SOX5: variants seen among roughly 807,000 people sequenced by gnomAD.
The protein encoded by SOX5 is transcription factor SOX-5.
In SOX5, 9 loss-of-function variants were observed where a neutral mutation model predicts 92.0. That is an observed-to-expected ratio of 0.10 (90% CI 0.06 to 0.17). The LOEUF (loss-of-function observed/expected upper bound fraction) is 0.17, where lower values mean the gene tolerates loss of function less well. SOX5 is among the 10% of genes least tolerant of loss of function. The probability of loss-of-function intolerance (pLI) is 1.00; values close to 1 mark genes in which losing one functional copy is unlikely to be tolerated. For synonymous variants in SOX5, 344 were observed against 336.3 expected, an observed-to-expected ratio of 1.02 and a Z score of -0.25; for missense variants, 642 against 944.5, an observed-to-expected ratio of 0.68 and a Z score of 4.20.
chr12:24,410,618 T>G (rs1242505820), intron 1 of SOX5, among the ~76,000 whole-genome samples: 1 of 152,220 alleles, frequency 6.6e-6, no homozygotes, highest in Non-Finnish European at 1.5e-5. Flanking sequence ...ATTGGTCTAA[T>G]ATGTTGTGAG....
chr12:24,522,598 G>A (rs934420070), intron 1 of SOX5, among the ~76,000 whole-genome samples: 4 of 152,188 alleles, frequency 2.6e-5, no homozygotes, highest in Middle Eastern at 3.4e-3. Flanking sequence ...CATTTATCCC[G>A]GGGATGTAAG....
At chr12:23,654,669 T>C (rs1335221191) in intron 7 of SOX5, among the ~76,000 whole-genome samples, 4 of 152,096 alleles carry the variant, frequency 2.6e-5, no homozygotes, top group African/African-American at 9.7e-5. Flanking sequence ...TGATTTGCTA[T>C]ACACAAGTAA....
chr12:24,278,410 CATTA>C (rs1278872182), intron 2 of SOX5, among the ~76,000 whole-genome samples: 1 of 152,026 alleles, frequency 6.6e-6, no homozygotes, highest in Non-Finnish European at 1.5e-5. Context: ...GAAAAATTAT[CATTA>C]AAAACTTTGA....
At chr12:24,275,394 A>G (rs549011800) in intron 3 of SOX5, among the ~76,000 whole-genome samples, 1 of 152,258 alleles carries the variant, frequency 6.6e-6, no homozygotes, top group East Asian at 1.9e-4. Flanking sequence ...GAAACATAGT[A>G]TATCTTTAGT....
intron 11 of SOX5, among the ~76,000 whole-genome samples, chr12:23,549,643 C>G (rs1052884080): frequency 7.2e-5 from 11 of 151,988 alleles, no homozygotes; most frequent in African/African-American, 2.4e-4. Flanking sequence ...TTAATTACAA[C>G]AAAGTAGTCA....
chr12:23,548,467 A>G (rs1943569910), intron 11 of SOX5, among the ~76,000 whole-genome samples: 1 of 152,106 alleles, frequency 6.6e-6, no homozygotes, highest in African/African-American at 2.4e-5. Context: ...AGTGGGACAT[A>G]GTGGAAGTCA....
chr12:24,116,049 C>T (rs771460761), intron 4 of SOX5, among the ~76,000 whole-genome samples: 3 of 151,864 alleles, frequency 2.0e-5, no homozygotes, highest in Admixed American at 1.3e-4. Context: ...AAAAGATAAT[C>T]GATTGAGAAG....
intron 1 of SOX5, among the ~76,000 whole-genome samples, chr12:24,475,131 G>T (rs868280162): frequency 6.6e-6 from 1 of 152,122 alleles, no homozygotes; most frequent in Non-Finnish European, 1.5e-5. Flanking sequence ...GAGCCACTGC[G>T]CCCAGCCCTT....
chr12:24,199,425 T>C (rs1957311578), intron 4 of SOX5, among the ~76,000 whole-genome samples: 1 of 152,236 alleles, frequency 6.6e-6, no homozygotes, highest in Non-Finnish European at 1.5e-5. Flanking sequence ...GAGTCATACA[T>C]TGAACCAATT....
At chr12:24,292,915 C>T (rs1024733307) in intron 2 of SOX5, among the ~76,000 whole-genome samples, 1 of 152,134 alleles carries the variant, frequency 6.6e-6, no homozygotes, top group Non-Finnish European at 1.5e-5. Context: ...GGCCCTAAAA[C>T]CTGGTGTTAT....
At chr12:23,998,667 T>A (rs754706395) in intron 4 of SOX5, among the ~76,000 whole-genome samples, 2 of 151,840 alleles carry the variant, frequency 1.3e-5, no homozygotes, top group Non-Finnish European at 2.9e-5. Context: ...CCGGGCATGG[T>A]GGCTGGGGCT....
rs1172417712 is a variant in SOX5 at position 24,307,605 on chromosome 12, T to C, written c.-173-30293A>G. Among the ~76,000 whole-genome samples the C allele has an allele frequency of 3.0e-5, 2 of 66,808 alleles. 1 individual carries two copies. The highest frequency in any genetic ancestry group is 7.0e-5 in the Non-Finnish European group (2 of 28,504). The allele number at this position is 66,808 out of a possible 152,430, so 43.8% of individuals were successfully genotyped here. ...TCTCAAGTCGCCCATTTGGCCCTCT[T>C]CCAAGTGTACTTTACTTGGTTTCAT... On this transcript the variant is annotated intron_variant, in intron 2 of 4. Coordinates refer to the SOX5 transcript ENST00000446891.
At chr12:24,246,242 AT>A (rs963836308) in intron 3 of SOX5, among the ~76,000 whole-genome samples, 13 of 147,850 alleles carry the variant, frequency 8.8e-5, no homozygotes, top group South Asian at 6.4e-4. Context: ...TTTTTGCCTA[AT>A]TTTTTTTTCC....
chr12:23,766,957 T>C (rs530832219), intron 3 of SOX5, among the ~76,000 whole-genome samples: 1 of 152,132 alleles, frequency 6.6e-6, no homozygotes. Context: ...AACACACTTG[T>C]AATCCCAGCA....
chr12:23,696,122 G>A (rs1286876558), intron 6 of SOX5, among the ~76,000 whole-genome samples: 1 of 151,680 alleles, frequency 6.6e-6, no homozygotes, highest in Non-Finnish European at 1.5e-5. Context: ...TTATTTCCTT[G>A]ACATACCTTC....
At chr12:24,098,161 A>C (rs1360548052) in intron 4 of SOX5, among the ~76,000 whole-genome samples, 1 of 152,138 alleles carries the variant, frequency 6.6e-6, no homozygotes, top group African/African-American at 2.4e-5. Context: ...TTTCTAAGTC[A>C]TTGTGAGTAC....
At chr12:24,476,198 A>C (rs1312091403) in intron 1 of SOX5, among the ~76,000 whole-genome samples, 8 of 152,228 alleles carry the variant, frequency 5.3e-5, no homozygotes, top group Admixed American at 5.2e-4. Context: ...CATTTATAAC[A>C]TTTATGACTG....
At chr12:23,821,689 T>G (rs536082973) in intron 3 of SOX5, among the ~76,000 whole-genome samples, 1 of 152,346 alleles carries the variant, frequency 6.6e-6, no homozygotes, top group African/African-American at 2.4e-5. Context: ...TCGTGGTAGA[T>G]AAGCTTTTTA....
intron 1 of SOX5, among the ~76,000 whole-genome samples, chr12:23,927,326 A>G (rs935545976): frequency 6.6e-6 from 1 of 152,016 alleles, no homozygotes; most frequent in Non-Finnish European, 1.5e-5. Flanking sequence ...AAGAATTCAT[A>G]CCATTTTACT....
Sources: gnomAD v4.1 joint callset for allele counts (sites outside exome capture counted in the v4.1 genomes callset) on GRCh38, gnomAD v4.1.1 for gene constraint, MANE v1.5 for transcripts, NCBI Gene and HGNC (gene_info 2026-07-23, HGNC 2026-07-21) for gene names.